Variants in PCDH11X observed in about 807,000 individuals in gnomAD.
PCDH11X encodes protocadherin-11 X-linked.
Under a neutral mutation model 53.3 loss-of-function variants are expected in PCDH11X, and 18 were observed. That is an observed-to-expected ratio of 0.34 (90% CI 0.23 to 0.50). The LOEUF is 0.50. Ranked by LOEUF, PCDH11X falls within the 20% of genes least tolerant of loss-of-function variation. PCDH11X has a pLI of 0.98. For synonymous variants in PCDH11X, 279 were observed against 393.3 expected (o/e 0.71, Z 3.44); for missense variants, 570 against 1,032.4 (o/e 0.55, Z 6.14).
intron 6 of PCDH11X, among the ~76,000 whole-genome samples, chrX:92,042,659 G>GTTTTTT: frequency 1.6e-5 from 1 of 61,076 alleles, no homozygotes; most frequent in Non-Finnish European, 2.7e-5. Context: ...TTTTTTTTGA[G>GTTTTTT]AGGGAGTCTT....
chrX:91,811,528 C>T (rs1185105633), intron 4 of PCDH11X, among the ~76,000 whole-genome samples: 1 of 109,998 alleles, frequency 9.1e-6, no homozygotes, highest in Non-Finnish European at 1.9e-5. Context: ...AACAAAAATC[C>T]CACAAATTAT....
chrX:92,367,311 G>T (rs1197530868), intron 8 of PCDH11X, among the ~76,000 whole-genome samples: 10 of 111,207 alleles, frequency 9.0e-5, no homozygotes, highest in African/African-American at 2.9e-4. Context: ...GTCTAGAATT[G>T]CAACCCCTGC....
chrX:92,452,132 C>T (rs1157822791), intron 9 of PCDH11X, among the ~76,000 whole-genome samples: 1 of 107,337 alleles, frequency 9.3e-6, no homozygotes, highest in Non-Finnish European at 1.9e-5. Flanking sequence ...AGACTAAATG[C>T]CTTCTGAGAA....
intron 6 of PCDH11X, among the ~76,000 whole-genome samples, chrX:92,054,985 G>T (rs1471493550): frequency 1.3e-3 from 99 of 76,330 alleles, no homozygotes; most frequent in African/African-American, 4.6e-3. Context: ...TTAGAGAAAA[G>T]GAGTTTGCTG....
intron 7 of PCDH11X, among the ~76,000 whole-genome samples, chrX:92,257,914 C>T (rs1283099291): frequency 8.9e-6 from 1 of 111,932 alleles, no homozygotes; most frequent in East Asian, 2.8e-4. Flanking sequence ...CTTACAGTTC[C>T]ACTAGGCAGT....
chrX:92,346,841 C>T (rs759009585), intron 8 of PCDH11X, among the ~76,000 whole-genome samples: 2 of 111,357 alleles, frequency 1.8e-5, no homozygotes, highest in South Asian at 3.7e-4. Flanking sequence ...GTATTTTCTA[C>T]GGTAGTGAAA....
At chrX:91,984,482 G>A (rs372711243) in intron 6 of PCDH11X, among the ~76,000 whole-genome samples, 1 of 103,423 alleles carries the variant, frequency 9.7e-6, no homozygotes, top group East Asian at 3.1e-4. Flanking sequence ...TCTTTTCTAC[G>A]GCAAATTTTG....
chrX:92,454,585 C>T (rs1011159567), intron 9 of PCDH11X, among the ~76,000 whole-genome samples: 3 of 104,228 alleles, frequency 2.9e-5, no homozygotes, highest in African/African-American at 1.0e-4. Context: ...GAATTCATGG[C>T]TTGGAAAACT....
intron 6 of PCDH11X, chrX:91,983,288 T>C (rs1045763338): frequency 1.5e-5 from 14 of 906,081 alleles, no homozygotes; most frequent in Non-Finnish European, 2.3e-5. Context: ...GTTCTATTTC[T>C]CTGTAAACGT....
chrX:92,387,627 T>G, intron 8 of PCDH11X, 108 bp from the exon 9 acceptor site: 1 of 1,173,116 alleles, frequency 8.5e-7, no homozygotes. Flanking sequence ...CAAGATAATG[T>G]TAATGTGTCT....
chrX:92,317,062 A>G (rs745313129), intron 8 of PCDH11X, among the ~76,000 whole-genome samples: 1 of 111,556 alleles, frequency 9.0e-6, no homozygotes, highest in African/African-American at 3.3e-5. Flanking sequence ...AATTTGTAAA[A>G]CTGTTCGTTT....
intron 10 of PCDH11X, among the ~76,000 whole-genome samples, chrX:92,563,575 T>G (rs1032429464): frequency 4.5e-5 from 5 of 111,510 alleles, no homozygotes; most frequent in South Asian, 3.7e-4. Flanking sequence ...GGAAAAAACT[T>G]TTACTTTCAA....
chrX:91,883,434 C>T (rs1053856278), intron 6 of PCDH11X: 82 of 751,133 alleles, frequency 1.1e-4, no homozygotes, highest in Non-Finnish European at 1.2e-4. Flanking sequence ...AACCAAAACA[C>T]TCTGGTTCAG....
intron 7 of PCDH11X, among the ~76,000 whole-genome samples, chrX:92,227,425 C>G (rs2066990674): frequency 9.0e-6 from 1 of 111,314 alleles, no homozygotes; most frequent in Non-Finnish European, 1.9e-5. Flanking sequence ...ATAGATGTGA[C>G]AATGTTCCTG....
chrX:92,280,367 G>A (rs2068221272), intron 8 of PCDH11X, among the ~76,000 whole-genome samples: 1 of 110,088 alleles, frequency 9.1e-6, no homozygotes, highest in South Asian at 3.9e-4. Context: ...TGACCAACAT[G>A]GTGCAACCCT....
intron 7 of PCDH11X, among the ~76,000 whole-genome samples, chrX:92,218,426 A>C (rs754356696): frequency 9.2e-6 from 1 of 109,062 alleles, no homozygotes. Context: ...CACCTCTATG[A>C]AAATAAACTA....
intron 6 of PCDH11X, among the ~76,000 whole-genome samples, chrX:91,936,639 G>T (rs1276204592): frequency 2.8e-5 from 3 of 105,352 alleles, no homozygotes; most frequent in Non-Finnish European, 3.9e-5. Context: ...TAACTTGAAG[G>T]TAATATTTGA....
chrX:92,243,162 G>T, intron 7 of PCDH11X, among the ~76,000 whole-genome samples: 1 of 111,155 alleles, frequency 9.0e-6, no homozygotes, highest in Admixed American at 9.6e-5. Context: ...AAAGCACTTT[G>T]CCTAACCTTA....
At chrX:92,372,339 T>A (rs1438109672) in intron 8 of PCDH11X, among the ~76,000 whole-genome samples, 1 of 108,584 alleles carries the variant, frequency 9.2e-6, no homozygotes, top group Non-Finnish European at 1.9e-5. Flanking sequence ...AAAGTGAGCT[T>A]AAATAATACA....
Sources: allele counts gnomAD v4.1 joint callset (sites outside exome capture counted in the v4.1 genomes callset), GRCh38; gene constraint gnomAD v4.1.1; transcripts MANE v1.5; gene names NCBI Gene and HGNC (gene_info 2026-07-23, HGNC 2026-07-21).